The following FHIT variants were observed in gnomAD, a reference collection of about 807,000 sequenced individuals.
FHIT encodes fragile histidine triad diadenosine triphosphatase, also known as bis(5'-adenosyl)-triphosphatase.
FHIT carries 19 observed loss-of-function variants against 17.9 expected under a neutral mutation model. The ratio of observed to expected loss-of-function variants is 1.06; its 90% CI spans 0.74 to 1.56. FHIT has a LOEUF of 1.56. Among genes scored for constraint, FHIT ranks in the 40% most tolerant of loss-of-function variants. The pLI, the probability that FHIT is intolerant of heterozygous loss-of-function variation, is 0.00. For missense variants in FHIT, 248 were observed against 189.2 expected (o/e 1.31, Z -1.82); for synonymous variants, 81 against 69.7 (o/e 1.16, Z -0.81).
At chr3:61,001,777 G>A (rs1201813924) in intron 3 of FHIT, among the ~76,000 whole-genome samples, 1 of 152,140 alleles carries the variant, frequency 6.6e-6, no homozygotes, top group Non-Finnish European at 1.5e-5. Context: ...ATTGCGTAGA[G>A]CTACACATGC....
At chr3:61,038,847 G>T (rs1220595202) in intron 3 of FHIT, among the ~76,000 whole-genome samples, 1 of 152,076 alleles carries the variant, frequency 6.6e-6, no homozygotes, top group Admixed American at 6.6e-5. Flanking sequence ...AAAATGCAGG[G>T]TCTCTTATAA....
chr3:60,208,458 G>A (rs1210532208), intron 5 of FHIT, among the ~76,000 whole-genome samples: 3 of 152,144 alleles, frequency 2.0e-5, no homozygotes, highest in South Asian at 4.1e-4. Context: ...GGATGGCTGA[G>A]AAGTTGAAAA....
chr3:60,447,139 G>A (rs759950328), intron 5 of FHIT, among the ~76,000 whole-genome samples: 103 of 151,910 alleles, frequency 6.8e-4, no homozygotes, highest in Non-Finnish European at 3.1e-4. Flanking sequence ...GTGGACTCCC[G>A]GCTCAGCACT....
At chr3:61,044,194 G>A (rs181268462) in intron 2 of FHIT, among the ~76,000 whole-genome samples, 22 of 152,314 alleles carry the variant, frequency 1.4e-4, no homozygotes, top group African/African-American at 4.3e-4. Flanking sequence ...CAAGCTAAAG[G>A]AGGATGTTCG....
At chr3:61,117,276 GCTTGCCGGGCAGGTGC>G (rs1312249311) in intron 2 of FHIT, among the ~76,000 whole-genome samples, 3 of 152,148 alleles carry the variant, frequency 2.0e-5, no homozygotes, top group Non-Finnish European at 2.9e-5. Context: ...AGGTCACCTT[GCTTGCCGGGCAGGTGC>G]CTTCTGTTTA....
intron 8 of FHIT, among the ~76,000 whole-genome samples, chr3:59,844,936 T>A (rs1348248533): frequency 6.6e-6 from 1 of 152,162 alleles, no homozygotes; most frequent in African/African-American, 2.4e-5. Context: ...GGGGCTTCCC[T>A]TTGCTAGGAG....
intron 2 of FHIT, among the ~76,000 whole-genome samples, chr3:61,134,662 T>G (rs1382060078): frequency 2.0e-5 from 3 of 152,060 alleles, no homozygotes; most frequent in Non-Finnish European, 4.4e-5. Context: ...AGGACTTAGG[T>G]GCAGGAGTTT....
chr3:60,370,041 G>A (rs1047831331), intron 5 of FHIT, among the ~76,000 whole-genome samples: 3 of 152,240 alleles, frequency 2.0e-5, no homozygotes, highest in South Asian at 2.1e-4. Flanking sequence ...AAAAGTATCC[G>A]CTATAGGAGT....
chr3:61,215,255 G>C (rs1327801002), intron 1 of FHIT, among the ~76,000 whole-genome samples: 1 of 151,582 alleles, frequency 6.6e-6, no homozygotes, highest in Admixed American at 6.6e-5. Context: ...TGTATATCTA[G>C]AAAACCCCAT....
chr3:61,026,780 T>C (rs2032756953), intron 3 of FHIT, among the ~76,000 whole-genome samples: 1 of 152,192 alleles, frequency 6.6e-6, no homozygotes, highest in South Asian at 2.1e-4. Flanking sequence ...TACAATGAGC[T>C]TTAACAAACA....
chr3:60,616,434 A>C (rs991905310), intron 4 of FHIT, among the ~76,000 whole-genome samples: 1 of 152,138 alleles, frequency 6.6e-6, no homozygotes, highest in South Asian at 2.1e-4. Context: ...CTTTTTTAAA[A>C]TTTTTTTAAT....
At chr3:59,890,597 T>C (rs1703813542) in intron 8 of FHIT, among the ~76,000 whole-genome samples, 1 of 152,196 alleles carries the variant, frequency 6.6e-6, no homozygotes, top group Non-Finnish European at 1.5e-5. Context: ...TGCCTTTTAT[T>C]ACTCTGAAAT....
At chr3:60,523,931 T>C (rs768578387) in intron 5 of FHIT, among the ~76,000 whole-genome samples, 10 of 152,216 alleles carry the variant, frequency 6.6e-5, no homozygotes, top group Non-Finnish European at 1.2e-4. Flanking sequence ...TGGTTGACAC[T>C]ATGTTAACCA....
chr3:60,010,065 T>C (rs534904716), intron 7 of FHIT, among the ~76,000 whole-genome samples: 15 of 152,324 alleles, frequency 9.8e-5, no homozygotes, highest in African/African-American at 2.6e-4. Context: ...TTCCATCAAA[T>C]AGATATTGCA....
intron 4 of FHIT, among the ~76,000 whole-genome samples, chr3:60,762,620 G>A (rs1699697676): frequency 6.6e-6 from 1 of 152,210 alleles, no homozygotes; most frequent in Non-Finnish European, 1.5e-5. Context: ...ATTTGGCTAG[G>A]CCATGGTATC....
intron 3 of FHIT, among the ~76,000 whole-genome samples, chr3:60,941,401 T>G (rs1436144541): frequency 6.7e-5 from 5 of 74,786 alleles, no homozygotes; most frequent in Non-Finnish European, 1.1e-4. Context: ...CCATTCCAGA[T>G]AAGTCCAACA....
chr3:60,336,058 C>G (rs1331357591), intron 5 of FHIT, among the ~76,000 whole-genome samples: 4 of 152,256 alleles, frequency 2.6e-5, no homozygotes, highest in African/African-American at 9.6e-5. Flanking sequence ...AAGCAAGAAG[C>G]TGTTTTTCCA....
At chr3:60,259,093 G>T (rs77542554) in intron 5 of FHIT, among the ~76,000 whole-genome samples, 2,373 of 151,410 alleles carry the variant, frequency 0.016, 47 homozygotes, top group African/African-American at 0.053. Flanking sequence ...GGTTCCGAAA[G>T]ATTTTTTTCA....
At position 60,082,416 on chromosome 3, in the gene FHIT, A is replaced by G. The variant is rs573392277; in HGVS notation, c.104-68264T>C. Among the ~76,000 whole-genome samples the G allele has an allele frequency of 9.2e-5, 14 of 152,238 alleles. No homozygotes were observed. The South Asian group carries it at 1.9e-3, about 20-fold the overall frequency. ...TTGATTTCATGTCTTTGCTATTGTAAATAGTGCTACAATAAACATACAGGT... is the reference window on the plus strand; with the variant it reads ...TTGATTTCATGTCTTTGCTATTGTAGATAGTGCTACAATAAACATACAGGT... On this transcript the variant is annotated intron_variant, in intron 5 of 9. Coordinates refer to ENST00000492590, the MANE Select transcript of FHIT (RefSeq NM_002012.4).
Sources: gnomAD v4.1 joint callset for allele counts (sites outside exome capture counted in the v4.1 genomes callset) on GRCh38, gnomAD v4.1.1 for gene constraint, MANE v1.5 for transcripts, NCBI Gene and HGNC (gene_info 2026-07-23, HGNC 2026-07-21) for gene names.